NTN4: variants seen among roughly 807,000 people sequenced by gnomAD.
NTN4 encodes the protein netrin-4.
Under a neutral mutation model 73.6 loss-of-function variants are expected in NTN4, and 32 were observed. That is an observed-to-expected ratio of 0.44 (90% CI 0.33 to 0.58). NTN4 has a LOEUF of 0.58. NTN4 is among the 20% of genes least tolerant of loss of function. The pLI, the probability that NTN4 is intolerant of heterozygous loss-of-function variation, is 0.04. For missense variants in NTN4, 654 were observed against 798.3 expected (o/e 0.82, Z 2.18); for synonymous variants, 258 against 287.5 (o/e 0.90, Z 1.04).
At chr12:95,776,288 G>A (rs1192615675) in intron 2 of NTN4, among the ~76,000 whole-genome samples, 1 of 152,224 alleles carries the variant, frequency 6.6e-6, no homozygotes, top group African/African-American at 2.4e-5. Flanking sequence ...CTCCTCACCA[G>A]CAACAGAACA....
At chr12:95,729,690 G>A (rs911321296) in intron 3 of NTN4, among the ~76,000 whole-genome samples, 1 of 149,786 alleles carries the variant, frequency 6.7e-6, no homozygotes, top group Non-Finnish European at 1.5e-5. Flanking sequence ...AACCTTACGT[G>A]TCTTGTCACT....
intron 3 of NTN4, among the ~76,000 whole-genome samples, chr12:95,729,272 A>G (rs1168984408): frequency 1.3e-5 from 2 of 151,632 alleles, no homozygotes; most frequent in East Asian, 3.9e-4. Flanking sequence ...TATGTGAGCT[A>G]TCTTAAAGCT....
In NTN4 at chr12:95,738,934, C is replaced by T. The variant is rs147040884; in HGVS notation, c.586-790G>A. ...GGATCGTGTCACTCCCTTGCTTAAA[C>T]CACCCCCACCTGAAGACCTCCCATT... On this transcript the variant is annotated intron_variant, in intron 2 of 9. Coordinates refer to ENST00000343702, the MANE Select transcript of NTN4 (RefSeq NM_021229.4). 3.2e-3 allele frequency among the ~76,000 whole-genome samples: 482 copies of T among 152,284 alleles called. 3 individuals are homozygous for T. Among genetic ancestry groups the T allele is most frequent in the Non-Finnish European group, 5.8e-3 (397 of 68,024 alleles).
Position 95,683,676 on chromosome 12 carries a change from G to A in NTN4, c.1216C>T (p.Pro406Ser). 1 of 1,612,974 alleles carries A rather than the reference G, an allele frequency of 6.2e-7. No individual in the cohort carries two copies. Among genetic ancestry groups the A allele is most frequent in the East Asian group, 2.2e-5 (1 of 44,830 alleles). Residue 406 changes from proline to serine, a missense_variant, in exon 6 of 10, where the codon CCT (proline) becomes TCT (serine). Pro to Ser is a moderately conservative substitution (Grantham distance 74). Coordinates refer to ENST00000343702, the MANE Select transcript of NTN4 (RefSeq NM_021229.4). ...TCGCAGAAGGTCACTGAGTTGGCAG[G>A]AAGGACAGCTGATCCTACTGGATGG... Reference protein sequence around the residue: ...SCHPVGSAVLPANSVTFCDPS... With the variant: ...SCHPVGSAVLSANSVTFCDPS...
intron 2 of NTN4, among the ~76,000 whole-genome samples, chr12:95,749,264 T>C (rs2078885784): frequency 6.6e-6 from 1 of 152,208 alleles, no homozygotes; most frequent in South Asian, 2.1e-4. Flanking sequence ...TGGTGGTCTC[T>C]TCACATGGAC....
At chr12:95,709,537 TCTC>T (rs1250477893) in intron 5 of NTN4, among the ~76,000 whole-genome samples, 49 of 135,908 alleles carry the variant, frequency 3.6e-4, no homozygotes, top group Middle Eastern at 3.8e-3. Flanking sequence ...TCTCTCTCTC[TCTC>T]TTTTTTTTTT....
chr12:95,682,057 C>CTTTTTTGTTTTTTTTTTTTTTTT (rs2078320553), intron 7 of NTN4, among the ~76,000 whole-genome samples: 1 of 64,546 alleles, frequency 1.5e-5, no homozygotes, highest in African/African-American at 6.8e-5. Flanking sequence ...ATTCAGTAGG[C>CTTTTTTGTTTTTTTTTTTTTTTT]TTTTTTTTTT....
intron 2 of NTN4, among the ~76,000 whole-genome samples, chr12:95,770,174 T>A (rs1338387176): frequency 2.0e-5 from 3 of 152,072 alleles, no homozygotes; most frequent in Non-Finnish European, 2.9e-5. Context: ...AAGTGGAAAT[T>A]AGAAAGAAAA....
chr12:95,784,951 G>T (rs968603417), intron 2 of NTN4, among the ~76,000 whole-genome samples: 2 of 152,148 alleles, frequency 1.3e-5, no homozygotes, highest in Admixed American at 6.5e-5. Context: ...TTCCATATAG[G>T]TTAGTTCAAA....
chr12:95,739,329 A>T (rs1222262593), intron 2 of NTN4, among the ~76,000 whole-genome samples: 1 of 152,208 alleles, frequency 6.6e-6, no homozygotes, highest in Non-Finnish European at 1.5e-5. Context: ...TTGTATTTCT[A>T]GCTATTTTTG....
At chr12:95,706,129 G>C (rs910007669) in intron 5 of NTN4, among the ~76,000 whole-genome samples, 2 of 152,126 alleles carry the variant, frequency 1.3e-5, no homozygotes, top group Non-Finnish European at 2.9e-5. Context: ...ATAAGTAACA[G>C]TAACTACTAA....
At chr12:95,754,847 C>T (rs1455127096) in intron 2 of NTN4, among the ~76,000 whole-genome samples, 3 of 152,214 alleles carry the variant, frequency 2.0e-5, no homozygotes, top group African/African-American at 7.2e-5. Context: ...ATGTTGCTCA[C>T]ACAAAGCCTG....
intron 2 of NTN4, among the ~76,000 whole-genome samples, chr12:95,786,109 A>G (rs1045566490): frequency 6.6e-6 from 1 of 152,206 alleles, no homozygotes; most frequent in Non-Finnish European, 1.5e-5. Context: ...TATTCATGAC[A>G]TGGACCAGAA....
chr12:95,678,441 T>C (rs976003417), intron 7 of NTN4, among the ~76,000 whole-genome samples: 20 of 151,706 alleles, frequency 1.3e-4, no homozygotes, highest in Admixed American at 7.2e-4. Context: ...AACCATCTGA[T>C]TTTCTCAAAA....
intron 5 of NTN4, among the ~76,000 whole-genome samples, chr12:95,684,534 C>T (rs2078346721): frequency 1.3e-5 from 2 of 151,936 alleles, no homozygotes; most frequent in African/African-American, 4.8e-5. Flanking sequence ...TCTCAAACTC[C>T]TGGCCTCAAG....
chr12:95,666,327 C>T (rs1245341061), intron 8 of NTN4, among the ~76,000 whole-genome samples: 1 of 152,036 alleles, frequency 6.6e-6, no homozygotes, highest in Non-Finnish European at 1.5e-5. Flanking sequence ...GTGTACACTG[C>T]TTGGATGATG....
At chr12:95,717,271 C>G (rs901503393) in intron 3 of NTN4, among the ~76,000 whole-genome samples, 2 of 152,188 alleles carry the variant, frequency 1.3e-5, no homozygotes, top group Admixed American at 6.6e-5. Flanking sequence ...TCACCCAACA[C>G]ATGGGTTCAT....
intron 8 of NTN4, 67 bp from the exon 9 acceptor site, chr12:95,666,047 G>C (rs564490984): frequency 8.4e-7 from 1 of 1,190,032 alleles, no homozygotes; most frequent in African/African-American, 1.5e-5. Flanking sequence ...TAACACTCAA[G>C]TATGCATTTC....
chr12:95,672,580 T>TG (rs548112937), intron 7 of NTN4: 16,054 of 1,523,482 alleles, frequency 0.011, 146 homozygotes, highest in Non-Finnish European at 0.011. Flanking sequence ...AGCGGCACTA[T>TG]GGGGGTCTGA....
Sources: gnomAD v4.1 joint callset for allele counts (sites outside exome capture counted in the v4.1 genomes callset) on GRCh38, gnomAD v4.1.1 for gene constraint, MANE v1.5 for transcripts, NCBI Gene and HGNC (gene_info 2026-07-23, HGNC 2026-07-21) for gene names.